Variants in DPP6 observed in about 807,000 individuals in gnomAD.
DPP6 encodes the protein A-type potassium channel modulatory protein DPP6.
Under a neutral mutation model 122.6 loss-of-function variants are expected in DPP6, and 69 were observed. The observed-to-expected ratio is 0.56, with a 90% CI of 0.46 to 0.69. The LOEUF (loss-of-function observed/expected upper bound fraction) is 0.69, where lower values mean the gene tolerates loss of function less well. Among genes scored for constraint, DPP6 ranks in the 30% least tolerant of loss-of-function variants. The probability of loss-of-function intolerance (pLI) is 0.00; values close to 1 mark genes in which losing one functional copy is unlikely to be tolerated. For synonymous variants in DPP6, 418 were observed against 433.1 expected, an observed-to-expected ratio of 0.97 and a Z score of 0.43; for missense variants, 928 against 1,116.9, an observed-to-expected ratio of 0.83 and a Z score of 2.41.
the DPP6 span, among the ~76,000 whole-genome samples, chr7:153,814,295 A>G: frequency 2.0e-5 from 3 of 152,240 alleles, no homozygotes; most frequent in Non-Finnish European, 2.9e-5. Context: ...TCCCACAGAA[A>G]TACAAACTAC....
chr7:154,107,581 C>G (rs1236750266), intron 1 of DPP6, among the ~76,000 whole-genome samples: 3 of 152,256 alleles, frequency 2.0e-5, no homozygotes, highest in Admixed American at 6.5e-5. Flanking sequence ...GTACCACACA[C>G]CCACAAACAT....
chr7:154,158,359 TGC>T (rs937524472), intron 1 of DPP6, among the ~76,000 whole-genome samples: 8 of 151,850 alleles, frequency 5.3e-5, no homozygotes, highest in Non-Finnish European at 1.2e-4. Flanking sequence ...ATTTTAATTC[TGC>T]ATTCTGGGGG....
intron 1 of DPP6, among the ~76,000 whole-genome samples, chr7:153,975,113 G>A (rs1442858605): frequency 8.9e-4 from 136 of 152,140 alleles, no homozygotes; most frequent in Middle Eastern, 6.8e-3. Flanking sequence ...GAGTACCCAT[G>A]AGACGTAAAT....
At chr7:154,351,576 G>A (rs1189034059) in intron 1 of DPP6, among the ~76,000 whole-genome samples, 1 of 152,168 alleles carries the variant, frequency 6.6e-6, no homozygotes, top group Non-Finnish European at 1.5e-5. Context: ...CACACTCGGT[G>A]GTGGCCACAG....
At chr7:154,374,537 A>G (rs899158607) in intron 1 of DPP6, among the ~76,000 whole-genome samples, 3 of 145,776 alleles carry the variant, frequency 2.1e-5, no homozygotes, top group African/African-American at 5.0e-5. Flanking sequence ...TCCCCTCCAC[A>G]CTTTGAGAGA....
the DPP6 span, among the ~76,000 whole-genome samples, chr7:153,872,682 T>C: frequency 6.6e-6 from 1 of 152,184 alleles, no homozygotes; most frequent in South Asian, 2.1e-4. Flanking sequence ...TTATTATCAT[T>C]ATCATCTTAG....
At chr7:154,383,718 A>C (rs1016870209) in intron 1 of DPP6, among the ~76,000 whole-genome samples, 2 of 151,752 alleles carry the variant, frequency 1.3e-5, no homozygotes, top group South Asian at 4.2e-4. Context: ...GGTGAAACCC[A>C]GTCTCTACAA....
intron 1 of DPP6, among the ~76,000 whole-genome samples, chr7:154,210,141 A>C (rs2150806116): frequency 6.6e-6 from 1 of 152,310 alleles, no homozygotes; most frequent in Admixed American, 6.5e-5. Context: ...GGTCTTGAAA[A>C]GGATCAATAC....
At chr7:153,822,380 G>A in the DPP6 span, among the ~76,000 whole-genome samples, 3 of 151,726 alleles carry the variant, frequency 2.0e-5, no homozygotes, top group South Asian at 2.1e-4. Context: ...TAGTAGAGAC[G>A]GGGTTTCACT....
At chr7:153,808,959 T>G in the DPP6 span, among the ~76,000 whole-genome samples, 1 of 152,098 alleles carries the variant, frequency 6.6e-6, no homozygotes, top group Admixed American at 6.5e-5. Context: ...TTTATTTTTT[T>G]GTGGAACCTC....
At position 154,727,065 on chromosome 7, in the gene DPP6, T is replaced by G. The variant is rs562649164; in HGVS notation, c.763-702T>G. ...CCAAGTTCCAGAGTCACTTCCACAT[T>G]TTCAGGTATCTTTGTAAGAATGGCC... On this transcript the variant is annotated intron_variant, in intron 7 of 25. Coordinates refer to ENST00000377770, the MANE Select transcript of DPP6 (RefSeq NM_130797.4). Among the ~76,000 whole-genome samples, 4 of 152,320 alleles carry G rather than the reference T, an allele frequency of 2.6e-5. No individual in the cohort carries two copies. In the East Asian group the frequency reaches 7.7e-4, roughly 29 times the overall value.
chr7:154,855,241 C>T (rs954828179), intron 17 of DPP6, among the ~76,000 whole-genome samples: 1 of 152,128 alleles, frequency 6.6e-6, no homozygotes, highest in Non-Finnish European at 1.5e-5. Flanking sequence ...GATAGTCTGC[C>T]AAGCTATCAA....
At chr7:154,621,616 C>G (rs1834677084) in intron 5 of DPP6, among the ~76,000 whole-genome samples, 1 of 152,194 alleles carries the variant, frequency 6.6e-6, no homozygotes, top group Non-Finnish European at 1.5e-5. Flanking sequence ...ATCCGCCCAC[C>G]TTGGCCTCCC....
At position 153,961,019 on chromosome 7, in the gene DPP6, C is replaced by T. The variant is rs190189455; in HGVS notation, c.51+73285C>T. Among the ~76,000 whole-genome samples the T allele has an allele frequency of 7.1e-3, 1,081 of 151,696 alleles. 5 individuals are homozygous for T. Among genetic ancestry groups the T allele is most frequent in the Non-Finnish European group, 0.012 (788 of 67,974 alleles). On this transcript the variant is annotated intron_variant, in intron 1 of 25. Transcript: ENST00000404039. ...AATGAGGCAGCTGGAAAGCCATGCC[C>T]GGCTTTGGGCTTCCATACATGTGAT...
intron 1 of DPP6, among the ~76,000 whole-genome samples, chr7:154,309,584 A>T (rs896403682): frequency 3.9e-5 from 6 of 152,112 alleles, no homozygotes; most frequent in Admixed American, 3.3e-4. Context: ...TCTGATTTTG[A>T]TCTTGTTGCT....
At chr7:154,641,450 T>A (rs907416070) in intron 6 of DPP6, among the ~76,000 whole-genome samples, 3 of 152,150 alleles carry the variant, frequency 2.0e-5, no homozygotes, top group African/African-American at 7.2e-5. Context: ...CATGGTGGAG[T>A]CAAGGATCTG....
chr7:154,562,547 G>C (rs1285575682), intron 4 of DPP6, among the ~76,000 whole-genome samples: 2 of 152,074 alleles, frequency 1.3e-5, no homozygotes, highest in Non-Finnish European at 1.5e-5. Context: ...AAGCAAGGCT[G>C]TTCACTCTCA....
intron 1 of DPP6, among the ~76,000 whole-genome samples, chr7:154,400,662 G>A (rs1815494461): frequency 6.6e-6 from 1 of 152,196 alleles, no homozygotes; most frequent in African/African-American, 2.4e-5. Flanking sequence ...AGATAGGCAA[G>A]CATGGAATCA....
chr7:154,414,149 A>G (rs1020083684), intron 1 of DPP6, among the ~76,000 whole-genome samples: 1 of 152,192 alleles, frequency 6.6e-6, no homozygotes, highest in Non-Finnish European at 1.5e-5. Context: ...TCAATCGGCC[A>G]TCATTACGGG....
Sources: gnomAD v4.1 joint callset for allele counts (sites outside exome capture counted in the v4.1 genomes callset) on GRCh38, gnomAD v4.1.1 for gene constraint, MANE v1.5 for transcripts, NCBI Gene and HGNC (gene_info 2026-07-23, HGNC 2026-07-21) for gene names.